Variants in REPS2 observed in about 807,000 individuals in gnomAD.
The protein encoded by REPS2 is ralBP1-associated Eps domain-containing protein 2.
In REPS2, 23 loss-of-function variants were observed where a neutral mutation model predicts 53.6. The observed-to-expected ratio is 0.43, with a 90% CI of 0.31 to 0.61. REPS2 has a LOEUF of 0.61. REPS2 is among the 20% of genes least tolerant of loss of function. The pLI is 0.11. For missense variants in REPS2, 446 were observed against 534.9 expected, an observed-to-expected ratio of 0.83 and a Z score of 1.64; for synonymous variants, 238 against 218.6, an observed-to-expected ratio of 1.09 and a Z score of -0.78.
At chrX:17,031,083 T>C (rs1286622391) in intron 5 of REPS2, among the ~76,000 whole-genome samples, 3 of 112,495 alleles carry the variant, frequency 2.7e-5, no homozygotes, top group Non-Finnish European at 5.6e-5. Context: ...GTTGGCTGTG[T>C]TTAGAGATCC....
At chrX:17,000,816 T>G (rs756179481) in intron 1 of REPS2, among the ~76,000 whole-genome samples, 1 of 112,101 alleles carries the variant, frequency 8.9e-6, no homozygotes, top group South Asian at 3.7e-4. Flanking sequence ...AAGAATAGTG[T>G]TCCCTTTCAT....
the REPS2 span, among the ~76,000 whole-genome samples, chrX:17,187,674 C>G: frequency 2.7e-5 from 3 of 111,884 alleles, no homozygotes. Flanking sequence ...TCACATGGTC[C>G]TTTAGTGACA....
At chrX:17,163,470 A>C in the REPS2 span, among the ~76,000 whole-genome samples, 2 of 111,900 alleles carry the variant, frequency 1.8e-5, no homozygotes, top group Non-Finnish European at 3.8e-5. Flanking sequence ...ACATGAATCT[A>C]CAAATCCAAG....
At chrX:17,040,989 T>C (rs1170620315) in intron 5 of REPS2, among the ~76,000 whole-genome samples, 2 of 111,790 alleles carry the variant, frequency 1.8e-5, no homozygotes, top group Non-Finnish European at 3.8e-5. Flanking sequence ...AGGGAACAGC[T>C]GCTATAACAA....
At chrX:17,160,750 G>C in the REPS2 span, among the ~76,000 whole-genome samples, 2 of 112,441 alleles carry the variant, frequency 1.8e-5, no homozygotes, top group East Asian at 2.8e-4. Context: ...AAAGTTGAGA[G>C]CCAACAGAGG....
At chrX:17,170,445 A>G in the REPS2 span, among the ~76,000 whole-genome samples, 2 of 112,564 alleles carry the variant, frequency 1.8e-5, no homozygotes, top group Admixed American at 1.9e-4. Context: ...TTAGTTATAA[A>G]ACTTGCTCTA....
At chrX:17,081,506 A>G (rs1305889757) in intron 13 of REPS2, among the ~76,000 whole-genome samples, 2 of 112,751 alleles carry the variant, frequency 1.8e-5, no homozygotes, top group Non-Finnish European at 3.7e-5. Flanking sequence ...GATATGGGGA[A>G]AAAGAACAAA....
chrX:17,097,535 A>G (rs968444162), intron 13 of REPS2, among the ~76,000 whole-genome samples: 2 of 112,383 alleles, frequency 1.8e-5, no homozygotes, highest in Admixed American at 9.4e-5. Flanking sequence ...CCAATTTAAG[A>G]TAGAAAAAGA....
At chrX:17,027,864 G>A (rs2061666482) in intron 4 of REPS2, among the ~76,000 whole-genome samples, 1 of 110,652 alleles carries the variant, frequency 9.0e-6, no homozygotes, top group African/African-American at 3.3e-5. Flanking sequence ...GAAGGAGCCA[G>A]AAGTCAGACA....
intron 4 of REPS2, among the ~76,000 whole-genome samples, chrX:17,028,138 A>G (rs1400170713): frequency 9.0e-6 from 1 of 111,644 alleles, no homozygotes; most frequent in Non-Finnish European, 1.9e-5. Context: ...ATAGAAGCCA[A>G]GGGCCAGATG....
downstream of REPS2, chrX:17,153,300 G>A (rs1227374819): frequency 1.8e-5 from 2 of 112,133 alleles, no homozygotes; most frequent in East Asian, 2.8e-4. Flanking sequence ...TCTTGGTGTC[G>A]ATATATTGTG....
chrX:17,171,275 G>A, the REPS2 span, among the ~76,000 whole-genome samples: 5 of 111,772 alleles, frequency 4.5e-5, no homozygotes, highest in Middle Eastern at 4.2e-3. Context: ...ACCTAGACCT[G>A]GTTCACCTCA....
rs1429539956 is a variant in REPS2 at position 17,068,421 on chromosome X, T to C, written c.1229T>C (p.Met410Thr). 7.5e-6 allele frequency: 9 copies of C among 1,204,150 alleles called. No individual in the cohort carries two copies. The highest frequency in any genetic ancestry group is 1.0e-5 in the Non-Finnish European group (9 of 890,292). The change falls in exon 10 of 18, where the codon ATG becomes ACG. Residue 410 changes from methionine (M) to threonine (T), a missense_variant. By Grantham distance (81) the Met-to-Thr change is moderately conservative (BLOSUM62 -1). Coordinates refer to ENST00000357277, the MANE Select transcript of REPS2 (RefSeq NM_004726.3). ...NRMEKTSVKD[M>T]ADLPVPNQDV... ...TCAAAGAAGACATCTGTTAAAGACA[T>C]GGCTGACCTTCCTGTCCCTAACCAG... is the stretch of plus-strand genomic sequence containing the variant.
intron 9 of REPS2, among the ~76,000 whole-genome samples, chrX:17,063,393 CTG>C (rs1422452530): frequency 4.5e-5 from 5 of 111,663 alleles, no homozygotes; most frequent in African/African-American, 1.6e-4. Flanking sequence ...TTTCTTGTGA[CTG>C]TGCATGATGA....
chrX:17,165,673 T>A, the REPS2 span, among the ~76,000 whole-genome samples: 1 of 111,293 alleles, frequency 9.0e-6, no homozygotes, highest in Non-Finnish European at 1.9e-5. Flanking sequence ...TGGCCTAATG[T>A]CGAAGCATCA....
At chrX:17,027,826 T>C (rs1271077408) in intron 4 of REPS2, among the ~76,000 whole-genome samples, 2 of 110,663 alleles carry the variant, frequency 1.8e-5, no homozygotes, top group Non-Finnish European at 3.8e-5. Context: ...AGCTACTTTT[T>C]AACCTTCTGA....
chrX:17,132,962 T>TA (rs974705661), intron 14 of REPS2, among the ~76,000 whole-genome samples: 1 of 112,320 alleles, frequency 8.9e-6, no homozygotes, highest in African/African-American at 3.2e-5. Context: ...TAAAACTTAA[T>TA]AAAAAAATAA....
the REPS2 span, among the ~76,000 whole-genome samples, chrX:17,169,245 T>C: frequency 8.9e-6 from 1 of 112,457 alleles, no homozygotes; most frequent in African/African-American, 3.2e-5. Context: ...AATGGTTTGC[T>C]ATGCAAGGAA....
chrX:17,125,178 C>CT (rs932577934), intron 14 of REPS2, among the ~76,000 whole-genome samples: 1 of 109,510 alleles, frequency 9.1e-6, no homozygotes, highest in South Asian at 3.9e-4. Context: ...TGGGATTTGA[C>CT]TTTTTTTTTG....
Sources: allele counts gnomAD v4.1 joint callset (sites outside exome capture counted in the v4.1 genomes callset), GRCh38; gene constraint gnomAD v4.1.1; transcripts MANE v1.5; gene names NCBI Gene and HGNC (gene_info 2026-07-23, HGNC 2026-07-21).